Variants in PLAC1 observed in about 807,000 individuals in gnomAD.
PLAC1 encodes the protein placenta-specific protein 1.
For synonymous variants in PLAC1, 68 were observed against 62.1 expected, an observed-to-expected ratio of 1.09 and a Z score of -0.44; for missense variants, 136 against 163.2, an observed-to-expected ratio of 0.83 and a Z score of 0.91.
chrX:134,740,300 A>T (rs1237472621), intron 1 of PLAC1, among the ~76,000 whole-genome samples: 4 of 103,113 alleles, frequency 3.9e-5, no homozygotes, highest in African/African-American at 1.5e-4. Flanking sequence ...CTGGGCAACA[A>T]CAGTGAAATT....
At chrX:134,590,657 C>G (rs749806620) in intron 2 of PLAC1, among the ~76,000 whole-genome samples, 1 of 111,219 alleles carries the variant, frequency 9.0e-6, no homozygotes, top group Non-Finnish European at 1.9e-5. Context: ...ACTCTGTCAC[C>G]CAGGCTGGAG....
At chrX:134,661,218 T>C (rs991628492), upstream of PLAC1, among the ~76,000 whole-genome samples, 24 of 111,950 alleles carry the variant, frequency 2.1e-4, no homozygotes, top group African/African-American at 6.8e-4. Context: ...CCAGAATAGA[T>C]CAGGCCGCTA....
intron 2 of PLAC1, among the ~76,000 whole-genome samples, chrX:134,588,260 T>C: frequency 9.2e-6 from 1 of 108,415 alleles, no homozygotes; most frequent in Admixed American, 1.0e-4. Context: ...AATATCTGAA[T>C]CTTGCACCCT....
chrX:134,589,962 A>G (rs776126771), intron 2 of PLAC1, among the ~76,000 whole-genome samples: 166 of 110,411 alleles, frequency 1.5e-3, no homozygotes, highest in Non-Finnish European at 1.6e-3. Context: ...TTGGGAGGCC[A>G]AGGTGGGCGG....
chrX:134,726,018 G>T (rs1285307233), intron 2 of PLAC1, among the ~76,000 whole-genome samples: 1 of 111,287 alleles, frequency 9.0e-6, no homozygotes, highest in African/African-American at 3.3e-5. Flanking sequence ...ACAAAAACTT[G>T]CAGGGCATTT....
rs761089246 is a variant in PLAC1, at chrX:134,566,531, T to C, written c.152A>G (p.His51Arg). 1 of 1,211,847 alleles carries C rather than the reference T, an allele frequency of 8.3e-7. No individual in the cohort carries two copies. Among genetic ancestry groups the C allele is most frequent in the Non-Finnish European group, 1.1e-6 (1 of 895,420 alleles). The change falls in exon 3 of 3, where the codon CAC (histidine) becomes CGC (arginine). Residue 51 changes from histidine to arginine, a missense_variant. His to Arg is a conservative substitution (Grantham distance 29). Coordinates refer to ENST00000359237, the MANE Select transcript of PLAC1 (RefSeq NM_021796.4). ...PFMLNNDVCV[H>R]FHELHLGLGC... ...CAGGCCCAAGTGTAGTTCATGAAAG[T>C]GTACACACACATCGTTGTTTAGCAT...
At chrX:134,714,245 T>C (rs1308025222) in intron 2 of PLAC1, among the ~76,000 whole-genome samples, 1 of 110,762 alleles carries the variant, frequency 9.0e-6, no homozygotes, top group Non-Finnish European at 1.9e-5. Context: ...CCTCCAACTT[T>C]TGTATTTTTT....
At chrX:134,721,398 C>T (rs2078656819) in intron 2 of PLAC1, among the ~76,000 whole-genome samples, 1 of 109,924 alleles carries the variant, frequency 9.1e-6, no homozygotes, top group Non-Finnish European at 1.9e-5. Flanking sequence ...CATAGAATGA[C>T]CCCACCTCTG....
rs1405976986 is a variant in PLAC1, at chrX:134,658,409, G to T, written c.-212C>A. On this transcript the variant is annotated 5_prime_UTR_variant, in exon 1 of 3. Coordinates refer to ENST00000359237, the MANE Select transcript of PLAC1 (RefSeq NM_021796.4). ...TTGGAAAAATGTATCTCAGTCACTG[G>T]AACTGAAGAGGGGTGGCCTTTACCT... The T allele has an allele frequency of 8.9e-6, 1 of 112,590 alleles. No homozygotes were observed. Among genetic ancestry groups the T allele is most frequent in the African/African-American group, 3.2e-5 (1 of 30,974 alleles). The allele number at this position is 112,590 out of a possible 1,213,427, so 9.3% of individuals were successfully genotyped here.
chrX:134,702,659 G>A (rs939298209), intron 2 of PLAC1, among the ~76,000 whole-genome samples: 7 of 111,858 alleles, frequency 6.3e-5, no homozygotes, highest in Admixed American at 2.9e-4. Flanking sequence ...CTTACTACCT[G>A]GGTGATGGGA....
At chrX:134,671,939 A>G (rs1003209379) in intron 2 of PLAC1, among the ~76,000 whole-genome samples, 1 of 111,869 alleles carries the variant, frequency 8.9e-6, no homozygotes, top group Non-Finnish European at 1.9e-5. Flanking sequence ...GGGCAAAGGC[A>G]TACAGAGTGA....
intron 2 of PLAC1, among the ~76,000 whole-genome samples, chrX:134,584,537 C>A (rs2077990251): frequency 9.1e-6 from 1 of 110,473 alleles, no homozygotes; most frequent in African/African-American, 3.3e-5. Flanking sequence ...TGCACGCTGA[C>A]CATCCAAGGG....
intron 2 of PLAC1, among the ~76,000 whole-genome samples, chrX:134,704,618 T>C (rs1436211162): frequency 1.9e-5 from 2 of 105,629 alleles, no homozygotes; most frequent in Admixed American, 1.0e-4. Flanking sequence ...TATTAAAGTA[T>C]TCTACTTTAA....
intron 1 of PLAC1, among the ~76,000 whole-genome samples, chrX:134,742,519 C>T (rs1350428395): frequency 9.0e-6 from 1 of 110,537 alleles, no homozygotes; most frequent in Non-Finnish European, 1.9e-5. Flanking sequence ...ACCCAGGAGG[C>T]GGAGGTTGCA....
At chrX:134,690,706 G>A (rs1366217322) in intron 2 of PLAC1, among the ~76,000 whole-genome samples, 2 of 107,529 alleles carry the variant, frequency 1.9e-5, no homozygotes, top group African/African-American at 6.8e-5. Context: ...GCTGAGGCGG[G>A]TGGATCACGA....
chrX:134,574,373 C>T (rs2077926584), intron 2 of PLAC1, among the ~76,000 whole-genome samples: 2 of 112,284 alleles, frequency 1.8e-5, no homozygotes, highest in Non-Finnish European at 3.8e-5. Context: ...CCTCCTTGTC[C>T]AGCCCCTAAG....
At chrX:134,705,374 C>T (rs2078601027) in intron 2 of PLAC1, among the ~76,000 whole-genome samples, 1 of 89,499 alleles carries the variant, frequency 1.1e-5, no homozygotes, top group African/African-American at 4.4e-5. Flanking sequence ...GCCAAGATCA[C>T]ATCACTGGAT....
chrX:134,598,137 C>T (rs2078070634), intron 2 of PLAC1, among the ~76,000 whole-genome samples: 1 of 112,442 alleles, frequency 8.9e-6, no homozygotes, highest in Non-Finnish European at 1.9e-5. Context: ...TAGGATCCCA[C>T]GTCTCTGATT....
At chrX:134,632,657 T>C (rs954749152) in intron 1 of PLAC1, among the ~76,000 whole-genome samples, 20 of 112,085 alleles carry the variant, frequency 1.8e-4, no homozygotes, top group African/African-American at 5.8e-4. Flanking sequence ...TGACCACGTG[T>C]TAAACCCTTT....
Sources: allele counts gnomAD v4.1 joint callset (sites outside exome capture counted in the v4.1 genomes callset), GRCh38; gene constraint gnomAD v4.1.1; transcripts MANE v1.5; gene names NCBI Gene and HGNC (gene_info 2026-07-23, HGNC 2026-07-21).